ERC2: variants seen among roughly 807,000 people sequenced by gnomAD.
ERC2 encodes ERC protein 2.
A neutral mutation model predicts 114.8 loss-of-function variants in ERC2; 42 were observed. The observed-to-expected ratio is 0.37, with a 90% CI of 0.29 to 0.47. The LOEUF is 0.47. ERC2 is among the 20% of genes least tolerant of loss of function. The pLI, the probability that ERC2 is intolerant of heterozygous loss-of-function variation, is 0.99. For missense variants in ERC2, 939 were observed against 1,150.7 expected (o/e 0.82, Z 2.66); for synonymous variants, 454 against 425.5 (o/e 1.07, Z -0.82).
At chr3:55,860,501 T>C (rs1269691844) in intron 14 of ERC2, among the ~76,000 whole-genome samples, 1 of 152,098 alleles carries the variant, frequency 6.6e-6, no homozygotes, top group Non-Finnish European at 1.5e-5. Context: ...ATCCACAATG[T>C]TTTGATCGCC....
At chr3:56,124,393 G>A (rs1019500486) in intron 6 of ERC2, among the ~76,000 whole-genome samples, 12 of 152,200 alleles carry the variant, frequency 7.9e-5, no homozygotes, top group Non-Finnish European at 1.3e-4. Context: ...AAGGGTGTAC[G>A]TAACAATTTA....
At position 56,309,961 on chromosome 3, in the gene ERC2, T is replaced by G. The variant is rs543340674; in HGVS notation, c.658-13526A>C. Among the ~76,000 whole-genome samples the G allele has an allele frequency of 5.3e-5, 8 of 152,206 alleles. No individual in the cohort carries two copies. In the South Asian group the frequency reaches 1.4e-3, roughly 28 times the overall value. On this transcript the variant is annotated intron_variant, in intron 2 of 17. Coordinates refer to ENST00000288221, the MANE Select transcript of ERC2 (RefSeq NM_015576.3). Reference sequence around the variant, plus strand: ...AGTGGGAAACAAAATGCTAAGCGCTTTGGCATTTTTTTAAATAAGAGAAAA... The same window carrying G: ...AGTGGGAAACAAAATGCTAAGCGCTGTGGCATTTTTTTAAATAAGAGAAAA...
rs372649229 is a variant in ERC2 at position 55,936,627 on chromosome 3, C to A, written c.2403+13798G>T. Among the ~76,000 whole-genome samples, 478 of 152,246 alleles carry A rather than the reference C, an allele frequency of 3.1e-3. 2 individuals carry two copies. The highest frequency in any genetic ancestry group is 0.011 in the African/African-American group (448 of 41,534). On this transcript the variant is annotated intron_variant, in intron 13 of 17. Coordinates refer to ENST00000288221, the MANE Select transcript of ERC2 (RefSeq NM_015576.3). ...CTCACACACATACCTGAAGAAAGAA[C>A]CTTCTAGCTAAGGGACCAGCTTGTT...
At chr3:56,331,301 T>G (rs370375077) in intron 2 of ERC2, among the ~76,000 whole-genome samples, 62 of 152,296 alleles carry the variant, frequency 4.1e-4, no homozygotes, top group African/African-American at 1.4e-3. Context: ...ATCCATTTAG[T>G]AAGAACCCCC....
chr3:56,438,586 A>G (rs1184110187), intron 1 of ERC2, among the ~76,000 whole-genome samples: 1 of 152,170 alleles, frequency 6.6e-6, no homozygotes. Context: ...TTTTCTTTCT[A>G]TGGTTCCAAC....
chr3:55,657,690 G>C (rs1018293480), intron 17 of ERC2: 1 of 152,090 alleles, frequency 6.6e-6, no homozygotes, highest in South Asian at 2.1e-4. Flanking sequence ...CAACTCCTAG[G>C]CTCAAGCAAT....
At chr3:56,161,541 T>C (rs915321105) in intron 4 of ERC2, among the ~76,000 whole-genome samples, 4 of 152,186 alleles carry the variant, frequency 2.6e-5, no homozygotes, top group Non-Finnish European at 4.4e-5. Context: ...TGGAATGTTT[T>C]TTCCATTTGT....
chr3:56,247,382 A>G (rs545577299), intron 3 of ERC2, among the ~76,000 whole-genome samples: 1 of 152,372 alleles, frequency 6.6e-6, no homozygotes, highest in East Asian at 1.9e-4. Flanking sequence ...AAATGACCTG[A>G]AGTTCTCCTA....
At chr3:56,156,533 C>A (rs1462052004) in intron 4 of ERC2, among the ~76,000 whole-genome samples, 2 of 152,022 alleles carry the variant, frequency 1.3e-5, no homozygotes, top group African/African-American at 4.8e-5. Context: ...AATTTGGGGA[C>A]CCCTAGGTAA....
rs910335371 is a variant in ERC2, at chr3:56,231,462, G to A, written c.1075-57942C>T. On this transcript the variant is annotated intron_variant, in intron 3 of 17. Transcript: ENST00000288221. ...ACATTATCTGAGACCTGGCTCAGAAGCCACCACCTGCCATTGTGGCATTCC... is the reference window on the plus strand; with the variant it reads ...ACATTATCTGAGACCTGGCTCAGAAACCACCACCTGCCATTGTGGCATTCC... Among the ~76,000 whole-genome samples, 10 of 152,210 alleles carry A rather than the reference G, an allele frequency of 6.6e-5. 1 individual carries two copies. Among genetic ancestry groups the A allele is most frequent in the South Asian group, 4.1e-4 (2 of 4,824 alleles).
At chr3:56,242,032 T>C (rs927379966) in intron 3 of ERC2, among the ~76,000 whole-genome samples, 2 of 152,136 alleles carry the variant, frequency 1.3e-5, no homozygotes, top group Non-Finnish European at 1.5e-5. Flanking sequence ...AAGAAAAAGT[T>C]TGCTGAACAA....
intron 13 of ERC2, among the ~76,000 whole-genome samples, chr3:55,889,928 CT>C (rs1007796486): frequency 1.3e-5 from 2 of 152,130 alleles, no homozygotes; most frequent in African/African-American, 4.8e-5. Flanking sequence ...AAATTATATG[CT>C]TTTAAGATTC....
At chr3:56,025,781 A>C (rs1413891882) in intron 7 of ERC2, among the ~76,000 whole-genome samples, 2 of 152,202 alleles carry the variant, frequency 1.3e-5, no homozygotes, top group Non-Finnish European at 2.9e-5. Flanking sequence ...CTAAGCATAG[A>C]CATAACACCA....
chr3:56,084,573 G>A (rs1288901643), intron 6 of ERC2, among the ~76,000 whole-genome samples: 3 of 152,046 alleles, frequency 2.0e-5, no homozygotes, highest in Non-Finnish European at 4.4e-5. Flanking sequence ...ACTTCACTTA[G>A]GCCATCATTC....
chr3:55,766,970 C>T (rs1416931647), intron 14 of ERC2, among the ~76,000 whole-genome samples: 16 of 152,146 alleles, frequency 1.1e-4, no homozygotes, highest in Admixed American at 9.8e-4. Context: ...CTGTGTTTCC[C>T]AGGTCATATC....
At chr3:56,465,794 T>C (rs1381256717) in intron 1 of ERC2, among the ~76,000 whole-genome samples, 1 of 152,292 alleles carries the variant, frequency 6.6e-6, no homozygotes, top group Non-Finnish European at 1.5e-5. Flanking sequence ...ATTTGCCTAT[T>C]GGCCCATGCC....
chr3:56,359,298 C>T (rs1335609812), intron 2 of ERC2, among the ~76,000 whole-genome samples: 3 of 152,122 alleles, frequency 2.0e-5, no homozygotes, highest in Non-Finnish European at 2.9e-5. Flanking sequence ...AATATGATTA[C>T]CCATGCCAAG....
chr3:56,016,490 G>T (rs1459387996), intron 8 of ERC2, among the ~76,000 whole-genome samples: 1 of 147,826 alleles, frequency 6.8e-6, no homozygotes, highest in Non-Finnish European at 1.5e-5. Flanking sequence ...TCTTTTTAGA[G>T]CTCCTAGGTT....
At chr3:56,171,208 C>T (rs771256679) in intron 4 of ERC2, among the ~76,000 whole-genome samples, 4 of 152,174 alleles carry the variant, frequency 2.6e-5, no homozygotes, top group Non-Finnish European at 5.9e-5. Context: ...AAAGCCTGTA[C>T]AATATGAGCT....
Sources: allele counts gnomAD v4.1 joint callset (sites outside exome capture counted in the v4.1 genomes callset), GRCh38; gene constraint gnomAD v4.1.1; transcripts MANE v1.5; gene names NCBI Gene and HGNC (gene_info 2026-07-23, HGNC 2026-07-21).